The following SERPINB12 variants were observed in gnomAD, a reference collection of about 807,000 sequenced individuals.
SERPINB12 encodes the protein serpin B12.
Under a neutral mutation model 41.1 loss-of-function variants are expected in SERPINB12, and 57 were observed. The observed-to-expected ratio is 1.39, with a 90% CI of 1.12 to 1.73. SERPINB12 has a LOEUF of 1.73. SERPINB12 is among the 40% of genes most tolerant of loss of function. The pLI, the probability that SERPINB12 is intolerant of heterozygous loss-of-function variation, is 0.00. For synonymous variants in SERPINB12, 180 were observed against 181.3 expected (o/e 0.99, Z 0.06); for missense variants, 536 against 501.9 (o/e 1.07, Z -0.65).
chr18:63,567,136 G>T lies in SERPINB12; in HGVS notation c.*125G>T. The T allele has an allele frequency of 1.1e-6, 1 of 924,246 alleles. No homozygotes were observed. Among genetic ancestry groups the T allele is most frequent in the Non-Finnish European group, 1.6e-6 (1 of 629,128 alleles). The allele number at this position is 924,246 out of a possible 1,614,324, so 57.3% of individuals were successfully genotyped here. A position where few individuals can be genotyped will look rare whatever the true frequency, so the allele number is the denominator to read the frequency against. On this transcript the variant is annotated 3_prime_UTR_variant, in exon 8 of 8. Coordinates refer to ENST00000382768, the MANE Select transcript of SERPINB12 (RefSeq NM_001307928.2). Reference sequence around the variant, plus strand: ...CATCTCCTTCATCCTCCAGCCATCGGCTTGTGCTTATCTTGATCTTTCTGT... The same window carrying T: ...CATCTCCTTCATCCTCCAGCCATCGTCTTGTGCTTATCTTGATCTTTCTGT...
the SERPINB12 span, among the ~76,000 whole-genome samples, chr18:63,535,871 A>C: frequency 6.6e-6 from 1 of 152,112 alleles, no homozygotes. Flanking sequence ...ACACATACAC[A>C]TGCATATATA....
intron 2 of SERPINB12, among the ~76,000 whole-genome samples, 155 bp from the exon 3 acceptor site, chr18:63,558,197 C>G (rs1870787301): frequency 6.6e-6 from 1 of 152,172 alleles, no homozygotes; most frequent in African/African-American, 2.4e-5. Context: ...CCTCCCAACC[C>G]AAGTACAGAA....
chr18:63,540,769 A>T (rs556086341), upstream of SERPINB12, among the ~76,000 whole-genome samples: 4 of 152,324 alleles, frequency 2.6e-5, no homozygotes, highest in Non-Finnish European at 5.9e-5. Context: ...TATAAATTAG[A>T]AATCACTTAA....
At chr18:63,529,619 C>G in the SERPINB12 span, among the ~76,000 whole-genome samples, 1 of 152,024 alleles carries the variant, frequency 6.6e-6, no homozygotes, top group Non-Finnish European at 1.5e-5. Context: ...GTCAGCACTT[C>G]ATTTAAAATC....
At chr18:63,558,991 TTTCTTTCCTTCC>T in intron 3 of SERPINB12, among the ~76,000 whole-genome samples, 1 of 75,940 alleles carries the variant, frequency 1.3e-5, no homozygotes, top group African/African-American at 6.1e-5. Flanking sequence ...ATTGTCTTTC[TTTCTTTCCTTCC>T]TTCTTTCTTT....
At chr18:63,531,280 T>G in the SERPINB12 span, among the ~76,000 whole-genome samples, 1 of 152,324 alleles carries the variant, frequency 6.6e-6, no homozygotes, top group South Asian at 2.1e-4. Flanking sequence ...TTTCTTAAAT[T>G]GTAGTCAACA....
chr18:63,556,764 A>T (rs932636497), intron 2 of SERPINB12, among the ~76,000 whole-genome samples: 1 of 151,830 alleles, frequency 6.6e-6, no homozygotes, highest in Non-Finnish European at 1.5e-5. Context: ...GTCCTCCTGG[A>T]CTCTTTCTCT....
intron 3 of SERPINB12, among the ~76,000 whole-genome samples, chr18:63,559,114 TG>T (rs1490130080): frequency 6.6e-6 from 1 of 150,936 alleles, no homozygotes; most frequent in Non-Finnish European, 1.5e-5. Flanking sequence ...TCTTTCTTTT[TG>T]TTTTTTCTGA....
rs749116840 is a variant in SERPINB12, at chr18:63,569,241, T to C, written c.*2230T>C. On this transcript the variant is annotated 3_prime_UTR_variant, in exon 8 of 8. Transcript: ENST00000382768. ...AAATTAAGAATCTTAAATCTTTATG[T>C]AAATCAGTAAACATTCTTTACTAAC... 3.3e-5 allele frequency among the ~76,000 whole-genome samples: 5 copies of C among 152,222 alleles called. No homozygotes were observed. Among genetic ancestry groups the C allele is most frequent in the Non-Finnish European group, 7.3e-5 (5 of 68,034 alleles).
chr18:63,563,498 C>T (rs1423076034), intron 5 of SERPINB12, among the ~76,000 whole-genome samples: 1 of 152,168 alleles, frequency 6.6e-6, no homozygotes, highest in African/African-American at 2.4e-5. Context: ...TTCTCCCCTG[C>T]CCCATCACCC....
chr18:63,562,704 G>C (rs1464632667), intron 5 of SERPINB12, among the ~76,000 whole-genome samples: 3 of 152,272 alleles, frequency 2.0e-5, no homozygotes, highest in African/African-American at 7.2e-5. Context: ...CAAAAGGAAA[G>C]CAATTCATTA....
chr18:63,564,495 CAG>C (rs1307672038), intron 6 of SERPINB12, among the ~76,000 whole-genome samples: 1 of 152,168 alleles, frequency 6.6e-6, no homozygotes, highest in Non-Finnish European at 1.5e-5. Flanking sequence ...TGGGAGGAAA[CAG>C]AAAGGGTTGG....
At chr18:63,550,759 C>T (rs948404287) in intron 1 of SERPINB12, among the ~76,000 whole-genome samples, 3 of 152,072 alleles carry the variant, frequency 2.0e-5, no homozygotes, top group African/African-American at 4.8e-5. Flanking sequence ...TTGAAATTAA[C>T]CTTAATGGGG....
At chr18:63,554,520 A>G (rs994441538) in intron 1 of SERPINB12, among the ~76,000 whole-genome samples, 6 of 152,240 alleles carry the variant, frequency 3.9e-5, no homozygotes, top group African/African-American at 1.4e-4. Flanking sequence ...GTATCTGATG[A>G]TAAAAGCACA....
At position 63,559,746 on chromosome 18, in the gene SERPINB12, G is replaced by C. The variant is rs371466083; in HGVS notation, c.444+28G>C. Reference sequence around the variant, plus strand: ...GAGTTGCACACGAATGGTGACTAAAGCTACCATGTAGCATACTATTTAAAA... The same window carrying C: ...GAGTTGCACACGAATGGTGACTAAACCTACCATGTAGCATACTATTTAAAA... On this transcript the variant is annotated intron_variant, in intron 4 of 7. Transcript: ENST00000382768. The C allele has an allele frequency of 7.3e-5, 117 of 1,612,390 alleles. No individual in the cohort carries two copies. The African/African-American group carries it at 1.3e-3, about 18-fold the overall frequency.
chr18:63,563,699 C>A lies in SERPINB12; in HGVS notation c.563-279C>A, dbSNP rs183098126. ...ATCACCTGAGGTCAGGAGCTCAAGACCAGCCTGGCCAACATGGCGAAACCC... is the reference window on the plus strand; with the variant it reads ...ATCACCTGAGGTCAGGAGCTCAAGAACAGCCTGGCCAACATGGCGAAACCC... On this transcript the variant is annotated intron_variant, in intron 5 of 7. Transcript: ENST00000382768. Among the ~76,000 whole-genome samples, 545 of 152,232 alleles carry A rather than the reference C, an allele frequency of 3.6e-3. 2 individuals are homozygous for A. Among genetic ancestry groups the A allele is most frequent in the African/African-American group, 0.012 (487 of 41,506 alleles).
At position 63,569,154 on chromosome 18, in the gene SERPINB12, A is replaced by T. The variant is rs2298623; in HGVS notation, c.*2143A>T. 1.3e-5 allele frequency among the ~76,000 whole-genome samples: 2 copies of T among 151,704 alleles called. No individual in the cohort carries two copies. Among genetic ancestry groups the T allele is most frequent in the East Asian group, 3.9e-4 (2 of 5,142 alleles). On this transcript the variant is annotated 3_prime_UTR_variant, in exon 8 of 8. Transcript: ENST00000382768. ...GTAAACACATTTTTTTTTCATTTAC[A>T]TCGGGATTTCTCAGATTTTGAAGCA... is the stretch of plus-strand genomic sequence containing the variant.
At chr18:63,524,514 T>C in the SERPINB12 span, among the ~76,000 whole-genome samples, 1 of 152,130 alleles carries the variant, frequency 6.6e-6, no homozygotes, top group Non-Finnish European at 1.5e-5. Context: ...GATCTTGAAC[T>C]CCTGACCTCA....
At chr18:63,537,719 G>T (rs1233847034), upstream of SERPINB12, among the ~76,000 whole-genome samples, 1 of 152,050 alleles carries the variant, frequency 6.6e-6, no homozygotes, top group African/African-American at 2.4e-5. Context: ...TTACCATATG[G>T]AATCCCTCTT....
Sources: allele counts gnomAD v4.1 joint callset (sites outside exome capture counted in the v4.1 genomes callset), GRCh38; gene constraint gnomAD v4.1.1; transcripts MANE v1.5; gene names NCBI Gene and HGNC (gene_info 2026-07-23, HGNC 2026-07-21).